The following KCNQ5 variants were observed in gnomAD, a reference collection of about 807,000 sequenced individuals.
The protein encoded by KCNQ5 is potassium voltage-gated channel subfamily KQT member 5.
In KCNQ5, 30 loss-of-function variants were observed where a neutral mutation model predicts 98.2. The ratio of observed to expected loss-of-function variants is 0.31; its 90% CI spans 0.23 to 0.41. KCNQ5 has a LOEUF of 0.41. KCNQ5 is among the 10% of genes least tolerant of loss of function. KCNQ5 has a pLI of 1.00. For missense variants in KCNQ5, 835 were observed against 1,182.5 expected (o/e 0.71, Z 4.31); for synonymous variants, 458 against 449.4 (o/e 1.02, Z -0.24).
At chr6:73,002,987 T>C (rs1305653245) in intron 1 of KCNQ5, among the ~76,000 whole-genome samples, 2 of 152,186 alleles carry the variant, frequency 1.3e-5, no homozygotes, top group East Asian at 3.8e-4. Context: ...AACTTGGTAT[T>C]TTAAGACAGC....
chr6:72,635,733 T>G (rs2098923721), intron 1 of KCNQ5, among the ~76,000 whole-genome samples: 1 of 150,980 alleles, frequency 6.6e-6, no homozygotes, highest in Non-Finnish European at 1.5e-5. Flanking sequence ...GAATGGTGTT[T>G]CTCCCCATTT....
intron 1 of KCNQ5, among the ~76,000 whole-genome samples, chr6:72,703,164 A>G (rs6453597): frequency 0.1 from 15,952 of 152,202 alleles, 1,491 homozygotes; most frequent in African/African-American, 0.25. Flanking sequence ...AGTGGTGGTT[A>G]TTTGTCATCT....
intron 1 of KCNQ5, among the ~76,000 whole-genome samples, chr6:72,808,137 C>T (rs915631705): frequency 2.0e-5 from 3 of 151,948 alleles, no homozygotes; most frequent in Non-Finnish European, 4.4e-5. Flanking sequence ...GAGTCAATGG[C>T]GGCCTTATCT....
intron 1 of KCNQ5, among the ~76,000 whole-genome samples, chr6:72,899,559 A>C (rs1347209555): frequency 6.6e-6 from 1 of 152,170 alleles, no homozygotes; most frequent in African/African-American, 2.4e-5. Context: ...TATTTTGATA[A>C]TAAAATATAT....
chr6:73,122,360 T>C (rs972495557), intron 8 of KCNQ5, among the ~76,000 whole-genome samples: 3 of 152,194 alleles, frequency 2.0e-5, no homozygotes, highest in African/African-American at 7.2e-5. Flanking sequence ...GAAAAACTGT[T>C]TAATAATGAG....
chr6:73,072,138 T>C (rs984793502), intron 3 of KCNQ5, among the ~76,000 whole-genome samples: 3 of 152,082 alleles, frequency 2.0e-5, no homozygotes, highest in South Asian at 2.1e-4. Context: ...TAAATTTATG[T>C]TAGTTATTAG....
intron 1 of KCNQ5, among the ~76,000 whole-genome samples, chr6:72,842,421 CCAGA>C (rs912550964): frequency 1.3e-5 from 2 of 152,046 alleles, no homozygotes; most frequent in African/African-American, 4.8e-5. Context: ...TTTGTATTGG[CCAGA>C]CAATTTGTAA....
intron 1 of KCNQ5, among the ~76,000 whole-genome samples, chr6:72,885,071 GA>G (rs1778799030): frequency 1.3e-5 from 2 of 152,126 alleles, no homozygotes; most frequent in African/African-American, 4.8e-5. Context: ...GGATAGTTAT[GA>G]AGATTAATAT....
chr6:72,801,044 A>G lies in KCNQ5; in HGVS notation c.398+178457A>G, dbSNP rs1774621352. 3.3e-5 allele frequency among the ~76,000 whole-genome samples: 5 copies of G among 152,212 alleles called. No individual in the cohort carries two copies. The South Asian group carries it at 1.0e-3, about 32-fold the overall frequency. Reference sequence around the variant, plus strand: ...ATTTGCTGAGGAGAGCTTTACTTCCAACTATGTGGTCAATTTTGGGATAGG... The same window carrying G: ...ATTTGCTGAGGAGAGCTTTACTTCCGACTATGTGGTCAATTTTGGGATAGG... On this transcript the variant is annotated intron_variant, in intron 1 of 13. Coordinates refer to ENST00000370398, the MANE Select transcript of KCNQ5 (RefSeq NM_019842.4).
At chr6:72,888,109 G>C (rs1778917223) in intron 1 of KCNQ5, among the ~76,000 whole-genome samples, 1 of 152,118 alleles carries the variant, frequency 6.6e-6, no homozygotes. Context: ...CATTGTCAGA[G>C]ATAAAGACGG....
intron 1 of KCNQ5, among the ~76,000 whole-genome samples, chr6:72,738,645 C>T (rs924819346): frequency 1.3e-5 from 2 of 151,912 alleles, no homozygotes; most frequent in African/African-American, 4.8e-5. Flanking sequence ...GAAATTAGGG[C>T]AACCAAGATG....
chr6:72,716,212 A>G (rs1194944681), intron 1 of KCNQ5, among the ~76,000 whole-genome samples: 1 of 152,244 alleles, frequency 6.6e-6, no homozygotes, highest in Non-Finnish European at 1.5e-5. Flanking sequence ...AATAGGACAT[A>G]CTTCTGAAAA....
At chr6:72,809,462 G>C (rs1775130988) in intron 1 of KCNQ5, among the ~76,000 whole-genome samples, 1 of 152,040 alleles carries the variant, frequency 6.6e-6, no homozygotes, top group Non-Finnish European at 1.5e-5. Context: ...TGAGGCAGGG[G>C]AATTGCTTGA....
At chr6:72,970,289 T>G (rs1269491920) in intron 1 of KCNQ5, among the ~76,000 whole-genome samples, 2 of 151,882 alleles carry the variant, frequency 1.3e-5, no homozygotes, top group Non-Finnish European at 2.9e-5. Flanking sequence ...AATAAGAAAC[T>G]AGTCCCCCAT....
intron 1 of KCNQ5, among the ~76,000 whole-genome samples, chr6:72,784,758 G>A (rs1451942963): frequency 6.6e-6 from 1 of 152,104 alleles, no homozygotes; most frequent in African/African-American, 2.4e-5. Context: ...TCTTCTTCGA[G>A]GAATTCCTAC....
At chr6:72,818,414 C>A (rs970515178) in intron 1 of KCNQ5, among the ~76,000 whole-genome samples, 11 of 151,906 alleles carry the variant, frequency 7.2e-5, no homozygotes, top group Non-Finnish European at 1.6e-4. Context: ...AAGCATACTG[C>A]AAGAAGAAAA....
intron 3 of KCNQ5, among the ~76,000 whole-genome samples, chr6:73,075,153 C>A (rs1047662417): frequency 6.6e-6 from 1 of 151,882 alleles, no homozygotes; most frequent in Admixed American, 6.6e-5. Context: ...TGAAAAGCCC[C>A]TTTATGCATA....
At chr6:73,139,142 T>C (rs1776604571) in intron 10 of KCNQ5, among the ~76,000 whole-genome samples, 2 of 152,234 alleles carry the variant, frequency 1.3e-5, no homozygotes, top group African/African-American at 4.8e-5. Flanking sequence ...CAATATCTTC[T>C]ATAGATGCAA....
chr6:72,902,877 C>T (rs1457286925), intron 1 of KCNQ5, among the ~76,000 whole-genome samples: 1 of 151,896 alleles, frequency 6.6e-6, no homozygotes, highest in Non-Finnish European at 1.5e-5. Context: ...GGGAGGATTC[C>T]CTCTTTATCT....
Sources: gnomAD v4.1 joint callset for allele counts (sites outside exome capture counted in the v4.1 genomes callset) on GRCh38, gnomAD v4.1.1 for gene constraint, MANE v1.5 for transcripts, NCBI Gene and HGNC (gene_info 2026-07-23, HGNC 2026-07-21) for gene names.